Variants in RNF169 observed in about 807,000 individuals in gnomAD.
RNF169 encodes E3 ubiquitin-protein ligase RNF169.
Under a neutral mutation model 53.9 loss-of-function variants are expected in RNF169, and 24 were observed. The ratio of observed to expected loss-of-function variants is 0.45; its 90% confidence interval spans 0.32 to 0.63. The LOEUF is 0.63. RNF169 is among the 20% of genes least tolerant of loss of function. The probability of loss-of-function intolerance (pLI) is 0.04; values close to 1 mark genes in which losing one functional copy is unlikely to be tolerated. For synonymous variants in RNF169, 396 were observed against 363.5 expected (o/e 1.09, Z -1.02); for missense variants, 883 against 906.2 (o/e 0.97, Z 0.33).
chr11:74,753,054 C>T (rs779766769), intron 1 of RNF169, among the ~76,000 whole-genome samples: 1 of 152,086 alleles, frequency 6.6e-6, no homozygotes, highest in Non-Finnish European at 1.5e-5. Flanking sequence ...CCGCAACCTC[C>T]GCCTCACCGG....
rs2034833034 is a variant in RNF169 at position 74,748,855 on chromosome 11, G to A, written c.-26G>A. 9.4e-6 allele frequency: 13 copies of A among 1,377,868 alleles called. No individual in the cohort carries two copies. Among genetic ancestry groups the A allele is most frequent in the Non-Finnish European group, 1.2e-5 (13 of 1,053,966 alleles). The allele number at this position is 1,377,868 out of a possible 1,614,324, so 85.4% of individuals were successfully genotyped here. A position where few individuals can be genotyped will look rare whatever the true frequency, so the allele number is the denominator to read the frequency against. ...CCCTCCACTCTTCTCCCTCGCAACC[G>A]ACTCTCCCTTCAAACGGGAAACAAG... On this transcript the variant is annotated 5_prime_UTR_variant, in exon 1 of 6. Coordinates refer to ENST00000299563, the MANE Select transcript of RNF169 (RefSeq NM_001098638.2).
chr11:74,840,979 C>T lies in RNF169; in HGVS notation c.*4249C>T, dbSNP rs2036444259. On this transcript the variant is annotated 3_prime_UTR_variant, in exon 6 of 6. Coordinates refer to ENST00000299563, the MANE Select transcript of RNF169 (RefSeq NM_001098638.2). ...ATAGTTTTTTCTTCCTGATTTTTTTCAGTTAGTTAGAGTTAAATGTACCTA... is the reference window on the plus strand; with the variant it reads ...ATAGTTTTTTCTTCCTGATTTTTTTTAGTTAGTTAGAGTTAAATGTACCTA... 6.6e-6 allele frequency: 1 copy of T among 151,712 alleles called. No homozygotes were observed. The highest frequency in any genetic ancestry group is 1.5e-5 in the Non-Finnish European group (1 of 67,932). The allele number at this position is 151,712 out of a possible 1,614,324, so 9.4% of individuals were successfully genotyped here. A position where few individuals can be genotyped will look rare whatever the true frequency, so the allele number is the denominator to read the frequency against.
chr11:74,797,012 C>T (rs2035658781), intron 2 of RNF169, among the ~76,000 whole-genome samples: 1 of 152,176 alleles, frequency 6.6e-6, no homozygotes, highest in South Asian at 2.1e-4. Flanking sequence ...ACCACCTTCC[C>T]TGGCCTTCTG....
intron 1 of RNF169, among the ~76,000 whole-genome samples, chr11:74,770,598 A>G (rs1322660097): frequency 6.6e-6 from 1 of 152,162 alleles, no homozygotes; most frequent in Non-Finnish European, 1.5e-5. Context: ...AATAATGTAC[A>G]TGAGTATGTT....
intron 1 of RNF169, among the ~76,000 whole-genome samples, chr11:74,774,592 G>A (rs2035305925): frequency 6.6e-6 from 1 of 152,126 alleles, no homozygotes; most frequent in Non-Finnish European, 1.5e-5. Context: ...ACTTTATTAA[G>A]AGCAGTTTTG....
chr11:74,836,106 T>G lies in RNF169; in HGVS notation c.1503T>G (p.Leu501=). Residue 501 remains leucine, a synonymous_variant, in exon 6 of 6, where the codon CTT becomes CTG. Transcript: ENST00000299563. ...SEYTGPTSAD[L]DHFPSVSQTK... is the part of the protein sequence containing the mutation. ...ATACTGGACCCACCTCTGCTGATCT[T>G]GATCATTTCCCCTCTGTTAGCCAAA... The G allele has an allele frequency of 6.2e-7, 1 of 1,614,194 alleles. No homozygotes were observed. Among genetic ancestry groups the G allele is most frequent in the African/African-American group, 1.3e-5 (1 of 75,054 alleles).
rs554328322 is a variant in RNF169 at position 74,831,489 on chromosome 11, AAAG to A, written c.843-3182_843-3180del. 518 of 152,332 alleles carry A rather than the reference AAAG, an allele frequency of 3.4e-3. 6 individuals carry two copies. The highest frequency in any genetic ancestry group is 0.012 in the African/African-American group (495 of 41,590). The allele number at this position is 152,332 out of a possible 1,614,324, so 9.4% of individuals were successfully genotyped here. ...CTACAAAACGTTGCTGAAAGAAATT[AAAG>A]AAGATCTAACTAAGCAAAAGACTTC... On this transcript the variant is annotated intron_variant, in intron 4 of 5. Coordinates refer to ENST00000299563, the MANE Select transcript of RNF169 (RefSeq NM_001098638.2).
Position 74,788,480 on chromosome 11 carries a change from C to T in RNF169, c.503-1146C>T, listed in dbSNP as rs575031940. Among the ~76,000 whole-genome samples, 8 of 152,226 alleles carry T rather than the reference C, an allele frequency of 5.3e-5. No individual in the cohort carries two copies. The South Asian group carries it at 1.7e-3, about 32-fold the overall frequency. On this transcript the variant is annotated intron_variant, in intron 1 of 5. Coordinates refer to ENST00000299563, the MANE Select transcript of RNF169 (RefSeq NM_001098638.2). Reference sequence around the variant, plus strand: ...TGATCTCGACTCACTGCAACTTCTGCCTCCTGGGTTCAAGTGATTGTCCTG... The same window carrying T: ...TGATCTCGACTCACTGCAACTTCTGTCTCCTGGGTTCAAGTGATTGTCCTG...
chr11:74,807,572 G>A (rs1228942438), intron 2 of RNF169, among the ~76,000 whole-genome samples: 1 of 152,056 alleles, frequency 6.6e-6, no homozygotes, highest in African/African-American at 2.4e-5. Flanking sequence ...TTAAAATCCA[G>A]GCTCTTCAGT....
intron 4 of RNF169, among the ~76,000 whole-genome samples, chr11:74,824,330 A>G (rs916430848): frequency 6.6e-6 from 1 of 152,238 alleles, no homozygotes. Flanking sequence ...TCTGAGAAAC[A>G]GAAAAAAGAA....
intron 4 of RNF169, among the ~76,000 whole-genome samples, chr11:74,819,044 A>G (rs2035976249): frequency 6.6e-6 from 1 of 151,900 alleles, no homozygotes; most frequent in Non-Finnish European, 1.5e-5. Context: ...ACAAAGAAAC[A>G]TAATCAAACC....
At chr11:74,825,693 CAAAAAA>C (rs1159948505) in intron 4 of RNF169, among the ~76,000 whole-genome samples, 2 of 151,994 alleles carry the variant, frequency 1.3e-5, no homozygotes, top group Non-Finnish European at 2.9e-5. Flanking sequence ...AGAGATACAA[CAAAAAA>C]AGAAAACTTC....
chr11:74,785,941 C>CTTTTTTTTTTTTTT (rs796451609), intron 1 of RNF169, among the ~76,000 whole-genome samples: 3 of 130,208 alleles, frequency 2.3e-5, no homozygotes, highest in Non-Finnish European at 4.9e-5. Flanking sequence ...GTTTTCTTTT[C>CTTTTTTTTTTTTTT]TTTTTTTTTT....
At chr11:74,773,255 C>T (rs915182973) in intron 1 of RNF169, among the ~76,000 whole-genome samples, 14 of 152,002 alleles carry the variant, frequency 9.2e-5, no homozygotes, top group African/African-American at 2.2e-4. Flanking sequence ...AATATTTGTG[C>T]GATAAATGAC....
chr11:74,771,810 T>C lies in RNF169; in HGVS notation c.503-17816T>C, dbSNP rs368822384. Among the ~76,000 whole-genome samples, 14 of 152,038 alleles carry C rather than the reference T, an allele frequency of 9.2e-5. No homozygotes were observed. In the East Asian group the frequency reaches 2.1e-3, roughly 23 times the overall value. On this transcript the variant is annotated intron_variant, in intron 1 of 5. Transcript: ENST00000299563. ...GCTCATGCCTATGATCCCAATACTT[T>C]GGGAGGCCGAGGTAGGAGGATTGCT...
chr11:74,785,175 TATATATATATG>T (rs1278577660), intron 1 of RNF169, among the ~76,000 whole-genome samples: 71 of 66,572 alleles, frequency 1.1e-3, no homozygotes, highest in African/African-American at 2.8e-3. Flanking sequence ...ATATATATGA[TATATATATATG>T]ATATATATAT....
At chr11:74,758,810 A>G (rs552824630) in intron 1 of RNF169, among the ~76,000 whole-genome samples, 1 of 152,024 alleles carries the variant, frequency 6.6e-6, no homozygotes, top group African/African-American at 2.4e-5. Context: ...GGCCGTCCAT[A>G]TGAACTTTAA....
chr11:74,769,310 G>C (rs372118099), intron 1 of RNF169, among the ~76,000 whole-genome samples: 32 of 152,212 alleles, frequency 2.1e-4, no homozygotes, highest in African/African-American at 7.7e-4. Flanking sequence ...AATTAAACCA[G>C]TGATATGCCA....
At position 74,749,388 on chromosome 11, in the gene RNF169, G is replaced by C; in HGVS notation, c.502+6G>C. On this transcript the variant is annotated splice_donor_region_variant and intron_variant, in intron 1 of 5. Transcript: ENST00000299563. ...TGCCGCGCCTGCGGAGCCAGGTGGA[G>C]CTTCCCCACTTCCCCTTAGGGTCTG... is the stretch of plus-strand genomic sequence containing the variant. The C allele has an allele frequency of 1.6e-6, 2 of 1,249,100 alleles. No individual in the cohort carries two copies. The highest frequency in any genetic ancestry group is 2.0e-6 in the Non-Finnish European group (2 of 993,320). The allele number at this position is 1,249,100 out of a possible 1,614,324, so 77.4% of individuals were successfully genotyped here.
Sources: gnomAD v4.1 joint callset for allele counts (sites outside exome capture counted in the v4.1 genomes callset) on GRCh38, gnomAD v4.1.1 for gene constraint, MANE v1.5 for transcripts, NCBI Gene and HGNC (gene_info 2026-07-23, HGNC 2026-07-21) for gene names.